The following DAP variants were observed in gnomAD, a reference collection of about 807,000 sequenced individuals.
DAP encodes the protein death-associated protein 1.
In DAP, 8 loss-of-function variants were observed where a neutral mutation model predicts 13.8. That is an observed-to-expected ratio of 0.58 (90% CI 0.34 to 1.05). The LOEUF (loss-of-function observed/expected upper bound fraction) is 1.05, where lower values mean the gene tolerates loss of function less well. Among genes scored for constraint, DAP ranks in the 50% least tolerant of loss-of-function variants. The probability of loss-of-function intolerance (pLI) is 0.03; values close to 1 mark genes in which losing one functional copy is unlikely to be tolerated. For missense variants in DAP, 106 were observed against 133.2 expected (o/e 0.80, Z 1.01); for synonymous variants, 47 against 47.5 (o/e 0.99, Z 0.04).
chr5:10,753,669 C>A (rs957429410), intron 1 of DAP, among the ~76,000 whole-genome samples: 1 of 152,150 alleles, frequency 6.6e-6, no homozygotes, highest in African/African-American at 2.4e-5. Flanking sequence ...AATGCTACTG[C>A]GGGAAGAAGA....
chr5:10,717,287 G>C (rs1049838017), intron 2 of DAP, among the ~76,000 whole-genome samples: 2 of 152,192 alleles, frequency 1.3e-5, no homozygotes, highest in African/African-American at 4.8e-5. Flanking sequence ...TGAAATTGTG[G>C]AAAAACAGAC....
At chr5:10,683,346 G>A (rs1738071517) in intron 3 of DAP, 183 bp downstream of exon 3, 1 of 719,706 alleles carries the variant, frequency 1.4e-6, no homozygotes, top group Middle Eastern at 3.8e-4. Context: ...ATGCGAGTCT[G>A]GCCTGCGGTC....
At position 10,731,149 on chromosome 5, in the gene DAP, C is replaced by G. The variant is rs267970; in HGVS notation, c.152+17026G>C. On this transcript the variant is annotated intron_variant, in intron 2 of 3. Transcript: ENST00000230895. Reference sequence around the variant, plus strand: ...AGCCCTAGTGAGGGGGAATCTTTCTCTACTGAGAGCCCTAGTGAGGGGGAA... The same window carrying G: ...AGCCCTAGTGAGGGGGAATCTTTCTGTACTGAGAGCCCTAGTGAGGGGGAA... Among the ~76,000 whole-genome samples the G allele has an allele frequency of 2.2e-5, 2 of 90,910 alleles. 1 individual carries two copies. The highest frequency in any genetic ancestry group is 9.9e-5 in the African/African-American group (2 of 20,238). The allele number at this position is 90,910 out of a possible 152,430, so 59.6% of individuals were successfully genotyped here.
At chr5:10,694,609 G>A (rs920521042) in intron 2 of DAP, among the ~76,000 whole-genome samples, 1 of 152,150 alleles carries the variant, frequency 6.6e-6, no homozygotes, top group Non-Finnish European at 1.5e-5. Flanking sequence ...GAGGCCCTTG[G>A]GCCTCACCCA....
chr5:10,688,354 A>G (rs1738208496), intron 2 of DAP, among the ~76,000 whole-genome samples: 2 of 152,218 alleles, frequency 1.3e-5, no homozygotes, highest in South Asian at 4.1e-4. Flanking sequence ...TCAGATGATC[A>G]TTAGCATACA....
chr5:10,739,871 T>C (rs1026834974), intron 2 of DAP, among the ~76,000 whole-genome samples: 3 of 152,112 alleles, frequency 2.0e-5, no homozygotes, highest in African/African-American at 7.2e-5. Flanking sequence ...GATGTAAATA[T>C]TATTTACTTC....
At chr5:10,719,669 G>A (rs751017293) in intron 2 of DAP, among the ~76,000 whole-genome samples, 2 of 152,118 alleles carry the variant, frequency 1.3e-5, no homozygotes, top group Admixed American at 6.5e-5. Context: ...TTCCATCATC[G>A]AATGGAAGTG....
Position 10,707,685 on chromosome 5 carries a change from G to A in DAP, c.153-24114C>T, listed in dbSNP as rs1313389547. 5.3e-5 allele frequency among the ~76,000 whole-genome samples: 8 copies of A among 151,914 alleles called. No individual in the cohort carries two copies. Among genetic ancestry groups the A allele is most frequent in the Admixed American group, 2.0e-4 (3 of 15,260 alleles). ...TTTGCGATCAGTGTGGTGCACAGGC[G>A]GCGTGATGTACAGGTGGTGTGATGC... On this transcript the variant is annotated intron_variant, in intron 2 of 3. Transcript: ENST00000230895. The surrounding 1 kb of genome is among the most constrained non-coding windows in gnomAD (Gnocchi z 4.0).
chr5:10,706,039 C>T (rs1315730160), intron 2 of DAP, among the ~76,000 whole-genome samples: 2 of 152,204 alleles, frequency 1.3e-5, no homozygotes, highest in African/African-American at 2.4e-5. Flanking sequence ...GCTTAGCTCA[C>T]ATCGGCATTT....
chr5:10,754,352 G>C (rs1038367142), intron 1 of DAP, among the ~76,000 whole-genome samples: 25 of 152,186 alleles, frequency 1.6e-4, no homozygotes, highest in African/African-American at 5.8e-4. Flanking sequence ...GTAATGGTTT[G>C]TGCTAAAAAA....
At chr5:10,710,182 CAG>C (rs2126651188) in intron 2 of DAP, among the ~76,000 whole-genome samples, 1 of 152,352 alleles carries the variant, frequency 6.6e-6, no homozygotes, top group South Asian at 2.1e-4. Context: ...CCCGAAGCCT[CAG>C]GGAGAGGTGG....
intron 2 of DAP, 57 bp from the exon 3 acceptor site, chr5:10,683,628 C>T (rs532732068): frequency 1.8e-5 from 28 of 1,544,002 alleles, no homozygotes; most frequent in Admixed American, 1.7e-4. Context: ...ACAGGGAACA[C>T]GGTGGCAGAC....
chr5:10,745,766 G>A (rs1388441893), intron 2 of DAP, among the ~76,000 whole-genome samples: 1 of 152,206 alleles, frequency 6.6e-6, no homozygotes, highest in Non-Finnish European at 1.5e-5. Context: ...AAGAAAAGCA[G>A]TGTTTCATTA....
chr5:10,730,572 C>T (rs1305773263), intron 2 of DAP, among the ~76,000 whole-genome samples: 1 of 146,014 alleles, frequency 6.8e-6, no homozygotes, highest in East Asian at 2.0e-4. Flanking sequence ...TACTGAGAGC[C>T]CGGGTCAGGG....
chr5:10,752,033 A>ATAAAGT (rs1191778459), intron 1 of DAP, among the ~76,000 whole-genome samples: 1 of 152,248 alleles, frequency 6.6e-6, no homozygotes, highest in East Asian at 1.9e-4. Flanking sequence ...AGATGTGTTC[A>ATAAAGT]TAAAGTAAAA....
intron 2 of DAP, among the ~76,000 whole-genome samples, chr5:10,744,137 C>A (rs1054169066): frequency 6.6e-6 from 1 of 152,006 alleles, no homozygotes; most frequent in Non-Finnish European, 1.5e-5. Context: ...AGGAAGCCAC[C>A]AGAGATGAGT....
intron 2 of DAP, among the ~76,000 whole-genome samples, chr5:10,691,233 T>TAACA (rs1282404346): frequency 6.6e-6 from 1 of 152,262 alleles, no homozygotes; most frequent in Non-Finnish European, 1.5e-5. Flanking sequence ...CCAAAATGTC[T>TAACA]AACAGCGATA....
intron 1 of DAP, among the ~76,000 whole-genome samples, chr5:10,750,521 G>A (rs1344994880): frequency 2.0e-5 from 3 of 152,176 alleles, no homozygotes; most frequent in Non-Finnish European, 4.4e-5. Flanking sequence ...GGGGCAGAAG[G>A]AAACAGAATC....
chr5:10,758,314 T>A (rs1740245515), intron 1 of DAP, among the ~76,000 whole-genome samples: 1 of 151,610 alleles, frequency 6.6e-6, no homozygotes, highest in African/African-American at 2.4e-5. Flanking sequence ...GGTTCACACA[T>A]GGTCCTCTGT....
Sources: allele counts gnomAD v4.1 joint callset (sites outside exome capture counted in the v4.1 genomes callset), GRCh38; gene constraint gnomAD v4.1.1; non-coding constraint Gnocchi (gnomAD v3.1); transcripts MANE v1.5; gene names NCBI Gene and HGNC (gene_info 2026-07-23, HGNC 2026-07-21).